The following TSPEAR variants were observed in gnomAD, a reference collection of about 807,000 sequenced individuals.
The protein encoded by TSPEAR is thrombospondin-type laminin G domain and EAR repeat-containing protein.
In TSPEAR, 69 loss-of-function variants were observed where a neutral mutation model predicts 71.6. The observed-to-expected ratio is 0.96, with a 90% CI of 0.79 to 1.18. The LOEUF (loss-of-function observed/expected upper bound fraction) is 1.18, where lower values mean the gene tolerates loss of function less well. Ranked by LOEUF, TSPEAR falls within the 50% of genes most tolerant of loss-of-function variation. TSPEAR has a pLI of 0.00. For missense variants in TSPEAR, 971 were observed against 894.9 expected (o/e 1.09, Z -1.09); for synonymous variants, 402 against 387.2 (o/e 1.04, Z -0.45).
At chr21:44,517,496 A>G (rs587765042) in intron 9 of TSPEAR, 62 of 294,270 alleles carry the variant, frequency 2.1e-4, no homozygotes, top group African/African-American at 1.3e-3. Context: ...TCATATGACA[A>G]GCATTAGCCA....
intron 1 of TSPEAR, among the ~76,000 whole-genome samples, chr21:44,680,138 C>G (rs782386454): frequency 3.3e-5 from 5 of 152,178 alleles, no homozygotes; most frequent in African/African-American, 4.8e-5. Context: ...AACTATGCAT[C>G]TGACAAGTGA....
In TSPEAR at chr21:44,546,625, G is replaced by A. The variant is rs148578360; in HGVS notation, c.304-12702C>T. On this transcript the variant is annotated intron_variant, in intron 2 of 11. Coordinates refer to ENST00000323084, the MANE Select transcript of TSPEAR (RefSeq NM_144991.3). The surrounding 1 kb of genome is among the most constrained non-coding windows in gnomAD (Gnocchi z 4.4). ...TTACAGGCATGAGCCACTGCGCCCG[G>A]CCCCTCTTTCATTTTTGAAGGATAA... is the stretch of plus-strand genomic sequence containing the variant. 1.3e-5 allele frequency among the ~76,000 whole-genome samples: 2 copies of A among 152,204 alleles called. No homozygotes were observed. Among genetic ancestry groups the A allele is most frequent in the Non-Finnish European group, 2.9e-5 (2 of 68,042 alleles).
chr21:44,562,597 A>C (rs180770288), intron 2 of TSPEAR, among the ~76,000 whole-genome samples: 1 of 152,198 alleles, frequency 6.6e-6, no homozygotes, highest in Non-Finnish European at 1.5e-5. Flanking sequence ...AGTCAAAAAC[A>C]AGGAGAAAAT....
At chr21:44,647,202 C>A in intron 1 of TSPEAR, 1 of 1,613,510 alleles carries the variant, frequency 6.2e-7, no homozygotes, top group South Asian at 1.1e-5. Context: ...GCAGGTCCAC[C>A]TGCTGTGTGC....
rs200850239 is a variant in TSPEAR, at chr21:44,637,998, G to A, written c.83-69993C>T. 21 of 1,613,528 alleles carry A rather than the reference G, an allele frequency of 1.3e-5. No individual in the cohort carries two copies. In the Admixed American group the frequency reaches 3.3e-4, roughly 26 times the overall value. On this transcript the variant is annotated intron_variant, in intron 1 of 11. Coordinates refer to ENST00000323084, the MANE Select transcript of TSPEAR (RefSeq NM_144991.3). ...CCCTCCTCCTCCGTGTCCCTCCTCT[G>A]CCACCCTGTGTGCAAGTCCACCTGC... is the stretch of plus-strand genomic sequence containing the variant.
chr21:44,643,014 GATC>G (rs1276827455), intron 1 of TSPEAR, among the ~76,000 whole-genome samples: 34 of 152,310 alleles, frequency 2.2e-4, no homozygotes, highest in Admixed American at 2.6e-4. Context: ...CAACATAAGT[GATC>G]ATCAACAGAT....
intron 1 of TSPEAR, among the ~76,000 whole-genome samples, chr21:44,661,217 C>T (rs1985474139): frequency 6.8e-6 from 1 of 146,990 alleles, no homozygotes. Flanking sequence ...GAGGCGGAGC[C>T]TGCAGTGAGC....
chr21:44,659,387 A>G (rs1462728473), intron 1 of TSPEAR, among the ~76,000 whole-genome samples: 1 of 106,900 alleles, frequency 9.4e-6, no homozygotes, highest in Non-Finnish European at 2.1e-5. Context: ...CCTAAGCACA[A>G]GCGGTTGGTG....
intron 1 of TSPEAR, chr21:44,591,471 G>A (rs377377611): frequency 3.7e-6 from 6 of 1,613,972 alleles, no homozygotes; most frequent in Non-Finnish European, 5.1e-6. Context: ...AAACACAGGA[G>A]GCCGTGCGGC....
At chr21:44,519,696 C>G (rs1158673840) in intron 9 of TSPEAR, 1 of 152,308 alleles carries the variant, frequency 6.6e-6, no homozygotes, top group African/African-American at 2.4e-5. Context: ...TCAGCTCTGT[C>G]CCGTGCCACA....
chr21:44,689,737 A>ATTTTTT lies in TSPEAR; in HGVS notation c.82+21695_82+21696insAAAAAA, dbSNP rs1310914900. On this transcript the variant is annotated intron_variant, in intron 1 of 11. Transcript: ENST00000323084. The stretch of plus-strand genomic sequence containing the variant: ...AATATATATATATATATATATATAT[A>ATTTTTT]TATTTTGGGGGGGGTTACTAAGTAT... 7.1e-4 allele frequency among the ~76,000 whole-genome samples: 90 copies of ATTTTTT among 127,148 alleles called. 2 individuals carry two copies. Among genetic ancestry groups the ATTTTTT allele is most frequent in the African/African-American group, 2.6e-3 (82 of 31,222 alleles). 83.4% of individuals were successfully genotyped at this position (127,148 alleles called of 152,430 possible). A position where few individuals can be genotyped will look rare whatever the true frequency, so the allele number is the denominator to read the frequency against.
chr21:44,559,767 G>T (rs2053607027), intron 2 of TSPEAR, among the ~76,000 whole-genome samples: 1 of 152,136 alleles, frequency 6.6e-6, no homozygotes. Context: ...TCTGATCATG[G>T]ATCCCTCATC....
rs587595176 is a variant in TSPEAR, at chr21:44,530,564, CATCT to C, written c.633+475_633+478del. Among the ~76,000 whole-genome samples, 54 of 152,346 alleles carry C rather than the reference CATCT, an allele frequency of 3.5e-4. No homozygotes were observed. The Middle Eastern group carries it at 0.01, about 29-fold the overall frequency. On this transcript the variant is annotated intron_variant, in intron 4 of 11. Transcript: ENST00000323084. The stretch of plus-strand genomic sequence containing the variant: ...TTGTCCATCCCTCCATCTGCCCATC[CATCT>C]GTCAAACCATGCATCAATAAATATT...
chr21:44,512,168 C>T (rs587698041), intron 9 of TSPEAR, among the ~76,000 whole-genome samples: 133 of 152,274 alleles, frequency 8.7e-4, no homozygotes, highest in African/African-American at 3.1e-3. Flanking sequence ...GGGGCTGGGG[C>T]GGGCCTACAG....
At chr21:44,661,092 G>A (rs868973699) in intron 1 of TSPEAR, among the ~76,000 whole-genome samples, 2 of 152,084 alleles carry the variant, frequency 1.3e-5, no homozygotes, top group African/African-American at 2.4e-5. Flanking sequence ...TGGCTAACAC[G>A]GTGAAACCCG....
At chr21:44,510,689 G>C (rs1025827579) in intron 9 of TSPEAR, 22 of 152,304 alleles carry the variant, frequency 1.4e-4, no homozygotes, top group African/African-American at 5.1e-4. Flanking sequence ...GCCCGCCCGA[G>C]CCCGGAGAGC....
At position 44,579,849 on chromosome 21, in the gene TSPEAR, C is replaced by T. The variant is rs587629437; in HGVS notation, c.83-11844G>A. 4.6e-5 allele frequency: 74 copies of T among 1,594,960 alleles called. No individual in the cohort carries two copies. The highest frequency in any genetic ancestry group is 1.5e-4 in the Admixed American group (9 of 58,188). On this transcript the variant is annotated intron_variant, in intron 1 of 11. Transcript: ENST00000323084. ...CAGCAGCTGGCCTGGTAGGAGGAGGCAGGGGCACAGCAGGAGGAGATGGGC... is the reference window on the plus strand; with the variant it reads ...CAGCAGCTGGCCTGGTAGGAGGAGGTAGGGGCACAGCAGGAGGAGATGGGC...
intron 2 of TSPEAR, chr21:44,558,089 C>A (rs78814839): frequency 6.2e-7 from 1 of 1,612,388 alleles, no homozygotes; most frequent in Admixed American, 1.7e-5. Context: ...GGCCGCAGCA[C>A]GCGGAAGAGA....
intron 1 of TSPEAR, among the ~76,000 whole-genome samples, chr21:44,606,163 C>CAA (rs61407657): frequency 1.4e-3 from 102 of 70,972 alleles, no homozygotes; most frequent in East Asian, 9.1e-3. Context: ...GACCCTGGCT[C>CAA]AAAAAAAAAA....
Sources: gnomAD v4.1 joint callset for allele counts (sites outside exome capture counted in the v4.1 genomes callset) on GRCh38, gnomAD v4.1.1 for gene constraint, Gnocchi (gnomAD v3.1) non-coding constraint, MANE v1.5 for transcripts, NCBI Gene and HGNC (gene_info 2026-07-23, HGNC 2026-07-21) for gene names.